Variants in FRMD5 observed in about 807,000 individuals in gnomAD.
The protein encoded by FRMD5 is FERM domain-containing protein 5.
Under a neutral mutation model 69.0 loss-of-function variants are expected in FRMD5, and 20 were observed. That is an observed-to-expected ratio of 0.29 (90% CI 0.20 to 0.42). FRMD5 has a LOEUF of 0.42. Among genes scored for constraint, FRMD5 ranks in the 10% least tolerant of loss-of-function variants. FRMD5 has a pLI of 1.00. For synonymous variants in FRMD5, 271 were observed against 260.1 expected, an observed-to-expected ratio of 1.04 and a Z score of -0.40; for missense variants, 595 against 708.6, an observed-to-expected ratio of 0.84 and a Z score of 1.82.
At chr15:44,190,467 A>G (rs2078174704) in intron 1 of FRMD5, among the ~76,000 whole-genome samples, 1 of 151,340 alleles carries the variant, frequency 6.6e-6, no homozygotes, top group African/African-American at 2.5e-5. Context: ...CATTTGATCT[A>G]AGCCCTCTAA....
At chr15:43,887,332 TA>T (rs1001953891) in intron 10 of FRMD5, among the ~76,000 whole-genome samples, 30 of 152,282 alleles carry the variant, frequency 2.0e-4, no homozygotes, top group African/African-American at 7.2e-4. Flanking sequence ...TAGGTTCAGG[TA>T]ACTGGCCAAA....
At chr15:44,067,281 TGA>T (rs2140401687) in intron 1 of FRMD5, among the ~76,000 whole-genome samples, 1 of 152,172 alleles carries the variant, frequency 6.6e-6, no homozygotes, top group African/African-American at 2.4e-5. Context: ...GAAAAGACAT[TGA>T]GAGGGATATA....
chr15:44,140,880 C>CA (rs1203954176), intron 1 of FRMD5, among the ~76,000 whole-genome samples: 3,582 of 30,448 alleles, frequency 0.12, 345 homozygotes, highest in Non-Finnish European at 0.18. Flanking sequence ...GAGACTGTCT[C>CA]AAAAAAAAAA....
intron 1 of FRMD5, among the ~76,000 whole-genome samples, chr15:43,978,627 C>T (rs927207238): frequency 3.3e-5 from 5 of 152,206 alleles, no homozygotes; most frequent in African/African-American, 1.2e-4. Flanking sequence ...TATTGGCTCA[C>T]TGCAACCTTC....
intron 1 of FRMD5, among the ~76,000 whole-genome samples, chr15:43,956,663 TAATC>T (rs1394921826): frequency 4.6e-5 from 7 of 152,344 alleles, no homozygotes; most frequent in African/African-American, 1.7e-4. Context: ...TAGTGTTTCT[TAATC>T]AACTTTGCAA....
At chr15:44,157,442 A>G (rs1294461716) in intron 1 of FRMD5, among the ~76,000 whole-genome samples, 4 of 152,168 alleles carry the variant, frequency 2.6e-5, no homozygotes, top group Non-Finnish European at 5.9e-5. Context: ...TAGATGTCTA[A>G]ATTATTAGTA....
chr15:44,111,669 CT>C (rs1310911255), intron 1 of FRMD5, among the ~76,000 whole-genome samples: 1 of 152,132 alleles, frequency 6.6e-6, no homozygotes, highest in African/African-American at 2.4e-5. Context: ...CAAGAAGCGT[CT>C]TGTTTCTAAT....
chr15:43,917,483 C>T (rs530464997), intron 4 of FRMD5, among the ~76,000 whole-genome samples: 8 of 152,150 alleles, frequency 5.3e-5, no homozygotes, highest in Non-Finnish European at 1.5e-5. Flanking sequence ...CTCCACCTCA[C>T]GGGTTCAAGT....
intron 7 of FRMD5, 104 bp from the exon 8 acceptor site, chr15:43,892,173 G>A: frequency 7.4e-6 from 7 of 943,344 alleles, no homozygotes; most frequent in South Asian, 5.6e-5. Flanking sequence ...TTGGCAGTAG[G>A]TCACAGAGGG....
chr15:44,162,577 TCC>T (rs1279449861), intron 1 of FRMD5, among the ~76,000 whole-genome samples: 13 of 151,976 alleles, frequency 8.6e-5, no homozygotes, highest in Non-Finnish European at 1.8e-4. Flanking sequence ...GTCTTAAAAC[TCC>T]CATGTCGGCC....
intron 1 of FRMD5, among the ~76,000 whole-genome samples, chr15:44,175,124 C>T (rs1302542640): frequency 6.6e-6 from 1 of 152,062 alleles, no homozygotes; most frequent in Non-Finnish European, 1.5e-5. Context: ...TTAACAGAGG[C>T]ACCTTTTTTC....
chr15:44,148,558 A>G (rs1366202147), intron 1 of FRMD5, among the ~76,000 whole-genome samples: 4 of 152,182 alleles, frequency 2.6e-5, no homozygotes, highest in Admixed American at 2.6e-4. Flanking sequence ...GGCGTGAGCC[A>G]CCGTGCCCAA....
chr15:44,163,325 C>G (rs2077654864), intron 1 of FRMD5, among the ~76,000 whole-genome samples: 1 of 152,184 alleles, frequency 6.6e-6, no homozygotes, highest in Non-Finnish European at 1.5e-5. Context: ...CTTCAGTGGA[C>G]TGTGAACTCT....
intron 1 of FRMD5, among the ~76,000 whole-genome samples, chr15:44,191,012 A>C (rs1462159741): frequency 6.6e-6 from 1 of 152,158 alleles, no homozygotes; most frequent in East Asian, 1.9e-4. Context: ...AATCAAATCC[A>C]AATATTGGTT....
chr15:43,929,491 C>T (rs1009668305), intron 1 of FRMD5, among the ~76,000 whole-genome samples: 1 of 152,190 alleles, frequency 6.6e-6, no homozygotes, highest in Non-Finnish European at 1.5e-5. Flanking sequence ...TAGAGTCTAG[C>T]AGAGGGTAAG....
chr15:43,901,917 C>G (rs2089054727), intron 7 of FRMD5: 1 of 445,676 alleles, frequency 2.2e-6, no homozygotes, highest in Non-Finnish European at 4.0e-6. Context: ...ACCAAATTAC[C>G]CATTGCGGGG....
intron 1 of FRMD5, among the ~76,000 whole-genome samples, chr15:43,944,961 T>A (rs1399467594): frequency 6.6e-5 from 10 of 151,528 alleles, no homozygotes; most frequent in African/African-American, 1.2e-4. Flanking sequence ...ATTTATTTTT[T>A]TTTTTTTTGA....
chr15:44,166,698 G>T (rs1419005463), intron 1 of FRMD5, among the ~76,000 whole-genome samples: 3 of 149,544 alleles, frequency 2.0e-5, no homozygotes, highest in African/African-American at 7.4e-5. Context: ...GCAGGAGAAT[G>T]GTTTAAACCC....
intron 1 of FRMD5, among the ~76,000 whole-genome samples, chr15:44,119,209 C>T (rs1199754101): frequency 6.6e-6 from 1 of 152,138 alleles, no homozygotes; most frequent in African/African-American, 2.4e-5. Context: ...ATCCTCCCAC[C>T]TCGGCCTTCC....
Sources: gnomAD v4.1 joint callset for allele counts (sites outside exome capture counted in the v4.1 genomes callset) on GRCh38, gnomAD v4.1.1 for gene constraint, MANE v1.5 for transcripts, NCBI Gene and HGNC (gene_info 2026-07-23, HGNC 2026-07-21) for gene names.